The following TMEM116 variants were observed in gnomAD, a reference collection of about 807,000 sequenced individuals.
The protein encoded by TMEM116 is transmembrane protein 116.
In TMEM116, 38 loss-of-function variants were observed where a neutral mutation model predicts 44.3. The ratio of observed to expected loss-of-function variants is 0.86; its 90% CI spans 0.66 to 1.12. The LOEUF (loss-of-function observed/expected upper bound fraction) is 1.12, where lower values mean the gene tolerates loss of function less well. Ranked by LOEUF, TMEM116 falls within the 50% of genes most tolerant of loss-of-function variation. The pLI, the probability that TMEM116 is intolerant of heterozygous loss-of-function variation, is 0.00. For missense variants in TMEM116, 354 were observed against 401.7 expected (o/e 0.88, Z 1.01); for synonymous variants, 132 against 144.8 (o/e 0.91, Z 0.64).
At chr12:111,974,114 T>C (rs1342752477) in intron 4 of TMEM116, among the ~76,000 whole-genome samples, 2 of 149,736 alleles carry the variant, frequency 1.3e-5, no homozygotes, top group African/African-American at 4.9e-5. Context: ...TTTGGAAAAA[T>C]ATAACATCCA....
intron 4 of TMEM116, among the ~76,000 whole-genome samples, chr12:111,976,752 T>C (rs2075692064): frequency 6.6e-6 from 1 of 152,056 alleles, no homozygotes; most frequent in Non-Finnish European, 1.5e-5. Flanking sequence ...GAACAGATAG[T>C]TAATGTAAAA....
intron 4 of TMEM116, among the ~76,000 whole-genome samples, chr12:111,984,030 A>C (rs975777855): frequency 2.6e-5 from 4 of 152,212 alleles, no homozygotes; most frequent in Non-Finnish European, 5.9e-5. Flanking sequence ...TACAAAAATC[A>C]ATTAATATAT....
At chr12:111,957,506 C>G (rs558796699) in intron 4 of TMEM116, among the ~76,000 whole-genome samples, 4 of 151,090 alleles carry the variant, frequency 2.6e-5, no homozygotes, top group Non-Finnish European at 4.4e-5. Context: ...GGGCAGCGCC[C>G]CCCTGGCCAG....
At chr12:111,989,142 G>A (rs2076399444) in intron 4 of TMEM116, among the ~76,000 whole-genome samples, 1 of 152,176 alleles carries the variant, frequency 6.6e-6, no homozygotes, top group Non-Finnish European at 1.5e-5. Flanking sequence ...AAAACTGGTA[G>A]ATTGTGGAAA....
intron 4 of TMEM116, among the ~76,000 whole-genome samples, chr12:111,971,921 AT>A (rs1385323492): frequency 1.3e-5 from 2 of 152,058 alleles, no homozygotes; most frequent in Admixed American, 6.6e-5. Context: ...TACAAAAAAA[AT>A]ATTTTAATTA....
intron 4 of TMEM116, among the ~76,000 whole-genome samples, chr12:111,990,997 G>A (rs1413357994): frequency 1.3e-5 from 2 of 152,088 alleles, no homozygotes; most frequent in Admixed American, 1.3e-4. Flanking sequence ...GAGACTGGCA[G>A]ATCATGAGGT....
At chr12:112,006,701 T>C (rs2077600698) in intron 1 of TMEM116, among the ~76,000 whole-genome samples, 1 of 152,156 alleles carries the variant, frequency 6.6e-6, no homozygotes, top group Non-Finnish European at 1.5e-5. Flanking sequence ...ACAGCAAGAA[T>C]ATACCTACAC....
At chr12:112,004,617 C>A (rs1404075372) in intron 2 of TMEM116, among the ~76,000 whole-genome samples, 8 of 152,002 alleles carry the variant, frequency 5.3e-5, no homozygotes, top group Admixed American at 3.3e-4. Context: ...GAATGCTTCA[C>A]AAATTTGCAC....
At chr12:112,002,420 C>G (rs2077306912) in intron 3 of TMEM116, among the ~76,000 whole-genome samples, 1 of 148,858 alleles carries the variant, frequency 6.7e-6, no homozygotes, top group Non-Finnish European at 1.5e-5. Context: ...AAAAAATTAG[C>G]TGGATGCGGT....
At chr12:112,004,477 G>A (rs1335186679) in intron 2 of TMEM116, among the ~76,000 whole-genome samples, 1 of 152,026 alleles carries the variant, frequency 6.6e-6, no homozygotes, top group Non-Finnish European at 1.5e-5. Context: ...TGTAGAGACA[G>A]GGTCTCGCTA....
At chr12:112,012,512 CA>C (rs2077889606) in intron 1 of TMEM116, 1 of 152,420 alleles carries the variant, frequency 6.6e-6, no homozygotes, top group African/African-American at 2.4e-5. Context: ...CTCCTGACCT[CA>C]GGTAATCCAC....
chr12:112,002,676 A>C (rs1278183963), intron 3 of TMEM116, among the ~76,000 whole-genome samples: 1 of 152,222 alleles, frequency 6.6e-6, no homozygotes, highest in Non-Finnish European at 1.5e-5. Flanking sequence ...CTCTTTTGTG[A>C]AATGGGCCTA....
chr12:111,937,701 T>C (rs2072274587), intron 6 of TMEM116, among the ~76,000 whole-genome samples: 1 of 152,164 alleles, frequency 6.6e-6, no homozygotes, highest in Admixed American at 6.5e-5. Context: ...CAGCTCCCTG[T>C]AAGAGGAAAA....
intron 3 of TMEM116, among the ~76,000 whole-genome samples, chr12:112,002,576 AAAG>A (rs1365547006): frequency 6.6e-6 from 1 of 151,744 alleles, no homozygotes; most frequent in Non-Finnish European, 1.5e-5. Flanking sequence ...AAAAAAAAAA[AAAG>A]AAAAAAAGAA....
chr12:111,958,296 A>T (rs1168377126), intron 4 of TMEM116, among the ~76,000 whole-genome samples: 1 of 147,206 alleles, frequency 6.8e-6, no homozygotes, highest in Non-Finnish European at 1.5e-5. Context: ...AAAAAAAAAA[A>T]AAAAAAAAAA....
intron 1 of TMEM116, among the ~76,000 whole-genome samples, chr12:112,009,834 ACT>A (rs988077043): frequency 2.0e-5 from 3 of 147,020 alleles, no homozygotes; most frequent in East Asian, 2.0e-4. Flanking sequence ...TGACCAAGTG[ACT>A]CTGTCTCAAA....
chr12:111,932,997 T>C (rs1191391991), intron 9 of TMEM116, among the ~76,000 whole-genome samples: 2 of 152,216 alleles, frequency 1.3e-5, no homozygotes, highest in Admixed American at 6.5e-5. Context: ...TCCCAGCACT[T>C]TGGGAGGCCA....
At chr12:112,003,675 A>G (rs1246731632) in intron 3 of TMEM116, 125 bp downstream of exon 3, 2 of 1,339,812 alleles carry the variant, frequency 1.5e-6, no homozygotes, top group Non-Finnish European at 2.0e-6. Flanking sequence ...ATCTCATTGT[A>G]TCATCATGAC....
In TMEM116 at chr12:111,999,188, T is replaced by TA. The variant is rs548801677; in HGVS notation, c.78+4611dup. On this transcript the variant is annotated intron_variant, in intron 3 of 10. Transcript: ENST00000552374. ...TCCTAAACATGAAAGCAAAAACTCT[T>TA]AAAAAAAAACCCACATATATATACA... Among the ~76,000 whole-genome samples, 45 of 150,942 alleles carry TA rather than the reference T, an allele frequency of 3.0e-4. No homozygotes were observed. In the South Asian group the frequency reaches 3.8e-3, roughly 13 times the overall value.
Sources: gnomAD v4.1 joint callset for allele counts (sites outside exome capture counted in the v4.1 genomes callset) on GRCh38, gnomAD v4.1.1 for gene constraint, MANE v1.5 for transcripts, NCBI Gene and HGNC (gene_info 2026-07-23, HGNC 2026-07-21) for gene names.